The following ERCC6 variants were observed in gnomAD, a reference collection of about 807,000 sequenced individuals.
The protein encoded by ERCC6 is ERCC excision repair 6, chromatin remodeling factor.
A neutral mutation model predicts 158.7 loss-of-function variants in ERCC6; 116 were observed. That is an observed-to-expected ratio of 0.73 (90% CI 0.63 to 0.85). The LOEUF is 0.85. Ranked by LOEUF, ERCC6 falls within the 40% of genes least tolerant of loss-of-function variation. ERCC6 has a pLI of 0.00. For missense variants in ERCC6, 1,698 were observed against 1,799.4 expected (o/e 0.94, Z 1.02); for synonymous variants, 678 against 659.3 (o/e 1.03, Z -0.43).
At chr10:49,497,685 T>C (rs1418576534) in intron 7 of ERCC6, among the ~76,000 whole-genome samples, 1 of 152,206 alleles carries the variant, frequency 6.6e-6, no homozygotes, top group East Asian at 1.9e-4. Flanking sequence ...CACCCTTTCC[T>C]AACTCTTAAT....
chr10:49,516,970 T>A (rs370920613), intron 5 of ERCC6: 3 of 1,613,978 alleles, frequency 1.9e-6, no homozygotes, highest in Non-Finnish European at 2.5e-6. Context: ...TTATTTATTG[T>A]TCCACCTTCT....
rs746616255 is a variant in ERCC6 at position 49,505,977 on chromosome 10, TTC to T, written c.1431_1432del (p.Lys478ThrfsTer9). On this transcript the variant is annotated frameshift_variant, in exon 6 of 21. Transcript: ENST00000355832. LOFTEE classifies it high-confidence loss of function. ...AGAATCGTCCTCCAGCTTCAGACGT[TTC>T]TCTTTGTCCTGCAGTCTCAGTTTAT... is the stretch of plus-strand genomic sequence containing the variant. The T allele has an allele frequency of 2.5e-6, 4 of 1,613,486 alleles. No individual in the cohort carries two copies. The highest frequency in any genetic ancestry group is 3.4e-6 in the Non-Finnish European group (4 of 1,179,582).
At chr10:49,499,771 A>G (rs765553096) in intron 7 of ERCC6, among the ~76,000 whole-genome samples, 7 of 152,232 alleles carry the variant, frequency 4.6e-5, no homozygotes, top group Admixed American at 6.5e-5. Flanking sequence ...TTTCAGTCCT[A>G]CCATATCAAA....
chr10:49,523,099 A>G (rs1046113296), intron 5 of ERCC6, among the ~76,000 whole-genome samples: 3 of 152,244 alleles, frequency 2.0e-5, no homozygotes, highest in Admixed American at 6.5e-5. Flanking sequence ...ACAACAAACT[A>G]GGTCTCTTCA....
intron 7 of ERCC6, among the ~76,000 whole-genome samples, chr10:49,498,928 T>A (rs1005952236): frequency 2.0e-5 from 3 of 152,176 alleles, no homozygotes; most frequent in African/African-American, 4.8e-5. Context: ...AGAAACCATT[T>A]GGAGGAGTTT....
downstream of ERCC6, among the ~76,000 whole-genome samples, chr10:49,453,483 T>A (rs992256536): frequency 6.6e-6 from 1 of 152,240 alleles, no homozygotes; most frequent in Admixed American, 6.5e-5. Context: ...ATGTTACATA[T>A]ATGACATTTC....
downstream of ERCC6, among the ~76,000 whole-genome samples, chr10:49,451,177 G>GT (rs35839478): frequency 0.46 from 59,601 of 130,032 alleles, 14,535 homozygotes; most frequent in East Asian, 0.67. Flanking sequence ...AGTTTCAATA[G>GT]TTTTTTTTTT....
rs1257512212 is a variant in ERCC6, at chr10:49,456,553, G to T, written c.*2262C>A. 1 of 152,132 alleles carries T rather than the reference G, an allele frequency of 6.6e-6. No homozygotes were observed. Among genetic ancestry groups the T allele is most frequent in the South Asian group, 2.1e-4 (1 of 4,820 alleles). 9.4% of individuals were successfully genotyped at this position (152,132 alleles called of 1,614,324 possible). On this transcript the variant is annotated 3_prime_UTR_variant, in exon 21 of 21. Coordinates refer to ENST00000355832, the MANE Select transcript of ERCC6 (RefSeq NM_000124.4). ...CATGGAGAATACACACCAAACCTAG[G>T]GCTGTACTTAGCTGTGGAACAGGTG...
chr10:49,456,073 G>C lies in ERCC6; in HGVS notation c.*2742C>G, dbSNP rs1005514835. On this transcript the variant is annotated 3_prime_UTR_variant, in exon 21 of 21. Coordinates refer to ENST00000355832, the MANE Select transcript of ERCC6 (RefSeq NM_000124.4). Reference sequence around the variant, plus strand: ...AAATGAAAAGTTAGTTGCAAAATAAGGATGGTATAAGGCCATTAATATAAA... The same window carrying C: ...AAATGAAAAGTTAGTTGCAAAATAACGATGGTATAAGGCCATTAATATAAA... 11 of 152,178 alleles carry C rather than the reference G, an allele frequency of 7.2e-5. No individual in the cohort carries two copies. Among genetic ancestry groups the C allele is most frequent in the Non-Finnish European group, 1.0e-4 (7 of 68,040 alleles). 9.4% of individuals were successfully genotyped at this position (152,178 alleles called of 1,614,324 possible). A position where few individuals can be genotyped will look rare whatever the true frequency, so the allele number is the denominator to read the frequency against.
chr10:49,506,475 TTAAACA>T (rs2132582979), intron 5 of ERCC6: 2 of 167,812 alleles, frequency 1.2e-5, no homozygotes, highest in South Asian at 3.0e-4. Flanking sequence ...ACAAAGCCCC[TTAAACA>T]TAAAGCAAAT....
the ERCC6 span, among the ~76,000 whole-genome samples, chr10:49,440,486 G>T: frequency 6.6e-6 from 1 of 152,176 alleles, no homozygotes; most frequent in Non-Finnish European, 1.5e-5. Flanking sequence ...TGGGGGCACA[G>T]CCACACCACA....
At chr10:49,454,351 C>T (rs556435469), downstream of ERCC6, among the ~76,000 whole-genome samples, 24 of 152,290 alleles carry the variant, frequency 1.6e-4, no homozygotes, top group African/African-American at 5.3e-4. Flanking sequence ...AGGTACCATA[C>T]CTCTGGACAG....
intron 12 of ERCC6, among the ~76,000 whole-genome samples, chr10:49,474,732 T>C (rs959681072): frequency 1.3e-5 from 2 of 152,138 alleles, no homozygotes; most frequent in African/African-American, 4.8e-5. Context: ...CATTTACCTT[T>C]AGATTATTAT....
rs1339325609 is a variant in ERCC6 at position 49,454,948 on chromosome 10, A to C, written c.*3867T>G. On this transcript the variant is annotated 3_prime_UTR_variant, in exon 21 of 21. Coordinates refer to ENST00000355832, the MANE Select transcript of ERCC6 (RefSeq NM_000124.4). ...GGAGGAAAATAATAAACTATTTTTT[A>C]AAGGTGCTAGGGAAACTAGCTATCC... Among the ~76,000 whole-genome samples, 1 of 152,198 alleles carries C rather than the reference A, an allele frequency of 6.6e-6. No individual in the cohort carries two copies. The highest frequency in any genetic ancestry group is 1.5e-5 in the Non-Finnish European group (1 of 68,028).
intron 6 of ERCC6, chr10:49,503,053 G>C (rs542983169): frequency 1.3e-5 from 2 of 152,180 alleles, no homozygotes; most frequent in East Asian, 3.9e-4. Flanking sequence ...TCCTCCAGTC[G>C]GGGAACAAAA....
rs1850830719 is a variant in ERCC6 at position 49,474,032 on chromosome 10, T to C, written c.2593A>G (p.Arg865Gly). ...TCTGAAGTCTGTGCACTCACCTGCCTTGACTGAGAAAACAGCAATACTCGC... is the reference window on the plus strand; with the variant it reads ...TCTGAAGTCTGTGCACTCACCTGCCCTGACTGAGAAAACAGCAATACTCGC... Reference protein sequence around the residue: ...GQRVLLFSQSRQMLDILEVFL... With the variant: ...GQRVLLFSQSGQMLDILEVFL... Residue 865 changes from arginine (R) to glycine (G), a missense_variant, in exon 13 of 21, where the codon AGG becomes GGG. Arg to Gly is a moderately radical substitution (Grantham distance 125). Coordinates refer to ENST00000355832, the MANE Select transcript of ERCC6 (RefSeq NM_000124.4). 1 of 1,613,822 alleles carries C rather than the reference T, an allele frequency of 6.2e-7. No individual in the cohort carries two copies. The highest frequency in any genetic ancestry group is 1.3e-5 in the African/African-American group (1 of 74,928).
the ERCC6 span, among the ~76,000 whole-genome samples, chr10:49,440,194 G>C: frequency 6.6e-6 from 1 of 152,168 alleles, no homozygotes; most frequent in Admixed American, 6.5e-5. Flanking sequence ...CGCAAGACTG[G>C]GAAGAAAAAG....
chr10:49,480,079 G>T (rs558732469), intron 10 of ERCC6, among the ~76,000 whole-genome samples: 1 of 152,160 alleles, frequency 6.6e-6, no homozygotes, highest in African/African-American at 2.4e-5. Context: ...TCAACTAGGC[G>T]TCCCTGCAGG....
chr10:49,474,302 G>A, intron 12 of ERCC6, 60 bp from the exon 13 acceptor site: 7 of 1,345,044 alleles, frequency 5.2e-6, no homozygotes, highest in Non-Finnish European at 6.4e-6. Flanking sequence ...AGATTCCCTA[G>A]GCAAGGAGGC....
Sources: gnomAD v4.1 joint callset for allele counts (sites outside exome capture counted in the v4.1 genomes callset) on GRCh38, gnomAD v4.1.1 for gene constraint, MANE v1.5 for transcripts, NCBI Gene and HGNC (gene_info 2026-07-23, HGNC 2026-07-21) for gene names.